Variants in SLIT2 observed in about 807,000 individuals in gnomAD.
SLIT2 encodes slit homolog 2 protein.
Under a neutral mutation model 185.7 loss-of-function variants are expected in SLIT2, and 41 were observed. That is an observed-to-expected ratio of 0.22 (90% CI 0.17 to 0.29). SLIT2 has a LOEUF of 0.29. Ranked by LOEUF, SLIT2 falls within the 10% of genes least tolerant of loss-of-function variation. The pLI is 1.00. For synonymous variants in SLIT2, 693 were observed against 680.2 expected (o/e 1.02, Z -0.29); for missense variants, 1,571 against 1,909.0 (o/e 0.82, Z 3.30).
Position 20,326,874 on chromosome 4 carries a change from G to A in SLIT2, c.395+57993G>A, listed in dbSNP as rs77232578. 5.2e-3 allele frequency among the ~76,000 whole-genome samples: 768 copies of A among 146,364 alleles called. 2 individuals are homozygous for A. The highest frequency in any genetic ancestry group is 9.1e-3 in the Non-Finnish European group (608 of 67,082). On this transcript the variant is annotated intron_variant, in intron 4 of 36. Transcript: ENST00000504154. ...TTTTCCCCAAACCACAGAGTTTAAT[G>A]TGCTCATTAAATAATATTGGCTCCC...
At chr4:20,533,878 A>ACCGC (rs879634085) in intron 18 of SLIT2, among the ~76,000 whole-genome samples, 163 bp downstream of exon 18, 12,809 of 151,620 alleles carry the variant, frequency 0.084, 1,026 homozygotes, top group African/African-American at 0.21. Flanking sequence ...ACACACACAC[A>ACCGC]TGTATTGTGA....
At chr4:20,535,540 GC>G (rs1313043147) in intron 18 of SLIT2, among the ~76,000 whole-genome samples, 15 of 152,180 alleles carry the variant, frequency 9.9e-5, no homozygotes, top group Non-Finnish European at 1.9e-4. Flanking sequence ...CCACCTGTAT[GC>G]ATGTCTTCAG....
At chr4:20,374,139 A>G (rs1419704085) in intron 4 of SLIT2, among the ~76,000 whole-genome samples, 1 of 152,096 alleles carries the variant, frequency 6.6e-6, no homozygotes, top group Admixed American at 6.6e-5. Flanking sequence ...GGGTTTTAGA[A>G]TAATGCCTAC....
At chr4:20,283,944 A>C (rs548777978) in intron 4 of SLIT2, among the ~76,000 whole-genome samples, 13 of 152,080 alleles carry the variant, frequency 8.5e-5, no homozygotes, top group Non-Finnish European at 1.9e-4. Context: ...TTTCCATACC[A>C]TGTATATATC....
At chr4:20,540,375 G>A (rs912928369) in intron 19 of SLIT2, among the ~76,000 whole-genome samples, 2 of 151,932 alleles carry the variant, frequency 1.3e-5, no homozygotes, top group African/African-American at 2.4e-5. Flanking sequence ...ACTAGAGGGG[G>A]TCTACTATGA....
At chr4:20,357,436 A>G (rs746440077) in intron 4 of SLIT2, among the ~76,000 whole-genome samples, 6 of 152,168 alleles carry the variant, frequency 3.9e-5, no homozygotes, top group East Asian at 1.9e-4. Context: ...CTTAATAACA[A>G]CAACAAATTA....
At chr4:20,533,285 AG>A (rs1721966002) in intron 17 of SLIT2, 1 of 285,590 alleles carries the variant, frequency 3.5e-6, no homozygotes, top group Non-Finnish European at 6.5e-6. Context: ...GATGGCATAA[AG>A]GTTTGTGTAA....
At chr4:20,431,830 G>A (rs537957923) in intron 4 of SLIT2, among the ~76,000 whole-genome samples, 7 of 152,338 alleles carry the variant, frequency 4.6e-5, no homozygotes, top group Admixed American at 3.3e-4. Flanking sequence ...GGAAAGTGAA[G>A]TTGAGCTCCT....
At chr4:20,258,415 G>C (rs2874800) in intron 3 of SLIT2, among the ~76,000 whole-genome samples, 2 of 151,136 alleles carry the variant, frequency 1.3e-5, no homozygotes, top group Admixed American at 6.6e-5. Flanking sequence ...TATATTTAGC[G>C]TGGTGAACAT....
intron 18 of SLIT2, among the ~76,000 whole-genome samples, chr4:20,535,106 C>T (rs977998684): frequency 2.6e-5 from 4 of 152,068 alleles, no homozygotes; most frequent in Admixed American, 6.5e-5. Context: ...CAAGACCAGC[C>T]TGGCCAATAT....
intron 8 of SLIT2, among the ~76,000 whole-genome samples, chr4:20,490,459 A>G (rs1412534682): frequency 6.6e-6 from 1 of 152,092 alleles, no homozygotes; most frequent in Non-Finnish European, 1.5e-5. Flanking sequence ...GTGTGTGTAT[A>G]TATATATATG....
chr4:20,558,382 C>A (rs752933192), intron 26 of SLIT2, among the ~76,000 whole-genome samples: 7 of 151,990 alleles, frequency 4.6e-5, no homozygotes, highest in Non-Finnish European at 1.0e-4. Context: ...AAGGAGACAA[C>A]CTTGGCTAGC....
At chr4:20,324,392 C>T (rs1719373046) in intron 4 of SLIT2, among the ~76,000 whole-genome samples, 1 of 149,618 alleles carries the variant, frequency 6.7e-6, no homozygotes, top group South Asian at 2.1e-4. Context: ...GGCCATTTCC[C>T]TGCTCTCTTT....
intron 4 of SLIT2, among the ~76,000 whole-genome samples, chr4:20,399,747 A>G (rs1331461675): frequency 1.3e-5 from 2 of 151,782 alleles, no homozygotes; most frequent in South Asian, 2.1e-4. Context: ...ATATTACACT[A>G]TGTAAGAGGG....
intron 4 of SLIT2, among the ~76,000 whole-genome samples, chr4:20,441,181 A>G (rs1173134465): frequency 6.6e-6 from 1 of 152,190 alleles, no homozygotes; most frequent in East Asian, 1.9e-4. Flanking sequence ...TCAGTGTGGC[A>G]AAAGGGAACT....
intron 4 of SLIT2, among the ~76,000 whole-genome samples, chr4:20,441,138 C>G (rs1729707525): frequency 6.6e-6 from 1 of 152,008 alleles, no homozygotes; most frequent in Non-Finnish European, 1.5e-5. Context: ...ACTTTAAATC[C>G]TCCCTCAACC....
In SLIT2 at chr4:20,254,323, C is replaced by T. The variant is rs1383392884; in HGVS notation, c.179+329C>T. Among the ~76,000 whole-genome samples, 1 of 152,202 alleles carries T rather than the reference C, an allele frequency of 6.6e-6. No homozygotes were observed. Among genetic ancestry groups the T allele is most frequent in the African/African-American group, 2.4e-5 (1 of 41,464 alleles). On this transcript the variant is annotated intron_variant, in intron 1 of 36. Coordinates refer to ENST00000504154, the MANE Select transcript of SLIT2 (RefSeq NM_004787.4). The surrounding 1 kb of genome is among the most constrained non-coding windows in gnomAD (Gnocchi z 5.1). ...GAGGATGCCCGGGGCAAGTGAGACG[C>T]CACTTTGTTCTCCAGAGTCCATAAA...
intron 21 of SLIT2, among the ~76,000 whole-genome samples, chr4:20,544,186 T>C (rs1212283067): frequency 6.6e-6 from 1 of 152,004 alleles, no homozygotes; most frequent in Non-Finnish European, 1.5e-5. Context: ...AAAAATAAAA[T>C]ATAAAGCAGA....
intron 4 of SLIT2, among the ~76,000 whole-genome samples, chr4:20,360,408 G>C (rs911980696): frequency 3.3e-5 from 5 of 152,222 alleles, no homozygotes; most frequent in South Asian, 2.1e-4. Context: ...ACAAATGCAA[G>C]AGGGCTTTAA....
Sources: gnomAD v4.1 joint callset for allele counts (sites outside exome capture counted in the v4.1 genomes callset) on GRCh38, gnomAD v4.1.1 for gene constraint, Gnocchi (gnomAD v3.1) non-coding constraint, MANE v1.5 for transcripts, NCBI Gene and HGNC (gene_info 2026-07-23, HGNC 2026-07-21) for gene names.